Variants in ZKSCAN4 observed in about 807,000 individuals in gnomAD.
The protein encoded by ZKSCAN4 is zinc finger protein with KRAB and SCAN domains 4.
Under a neutral mutation model 30.8 loss-of-function variants are expected in ZKSCAN4, and 23 were observed. The observed-to-expected ratio is 0.75, with a 90% confidence interval of 0.54 to 1.06. The LOEUF (loss-of-function observed/expected upper bound fraction) is 1.06, where lower values mean the gene tolerates loss of function less well. ZKSCAN4 is among the 50% of genes least tolerant of loss of function. ZKSCAN4 has a pLI of 0.00. For missense variants in ZKSCAN4, 556 were observed against 665.4 expected (o/e 0.84, Z 1.81); for synonymous variants, 208 against 252.5 (o/e 0.82, Z 1.67).
upstream of ZKSCAN4, among the ~76,000 whole-genome samples, chr6:28,256,562 C>A (rs1055051988): frequency 6.6e-6 from 1 of 152,206 alleles, no homozygotes; most frequent in Non-Finnish European, 1.5e-5. Context: ...ACATCTGGTA[C>A]TTTCCTTGAT....
At chr6:28,246,218 C>G (rs1405707417) in intron 4 of ZKSCAN4, among the ~76,000 whole-genome samples, 1 of 151,890 alleles carries the variant, frequency 6.6e-6, no homozygotes, top group Non-Finnish European at 1.5e-5. Context: ...ATGGTGAGGA[C>G]CCAGGACTAT....
intron 4 of ZKSCAN4, among the ~76,000 whole-genome samples, chr6:28,246,548 C>T (rs778061787): frequency 9.2e-5 from 14 of 152,094 alleles, no homozygotes; most frequent in South Asian, 4.1e-4. Flanking sequence ...AGGTAATCTA[C>T]GCCTCTGCAC....
rs1760513500 is a variant in ZKSCAN4 at position 28,241,936 on chromosome 6, A to AT, written c.*3179dup. On this transcript the variant is annotated 3_prime_UTR_variant, in exon 5 of 5. Transcript: ENST00000377294. ...AGAGGCAGAGAAAGTCTTTTGCAGA[A>AT]TTATATACGTCTTTGCCAAAATTAA... 6.6e-6 allele frequency among the ~76,000 whole-genome samples: 1 copy of AT among 152,104 alleles called. No homozygotes were observed. Among genetic ancestry groups the AT allele is most frequent in the Non-Finnish European group, 1.5e-5 (1 of 68,006 alleles).
Position 28,247,061 on chromosome 6 carries a change from G to A in ZKSCAN4, c.686C>T (p.Thr229Ile), listed in dbSNP as rs758752128. The change falls in exon 4 of 5, where the codon ACC becomes ATC. Residue 229 changes from threonine (T) to isoleucine (I), a missense_variant. Thr to Ile is a moderately conservative substitution (Grantham distance 89). This residue lies in a region of ZKSCAN4 where 433 missense variants were observed against 511.5 expected (regional missense o/e 0.85). Coordinates refer to ENST00000377294, the MANE Select transcript of ZKSCAN4 (RefSeq NM_019110.5). The stretch of plus-strand genomic sequence containing the variant: ...CAGCTGTGTCCACCCAGGAGTGAGG[G>A]TCAGGGCCACATCTTCCATTTTCAG... ...GLLKMEDVAL[T>I]LTPGWTQLDS... 1.2e-6 allele frequency: 2 copies of A among 1,611,580 alleles called. No individual in the cohort carries two copies. Among genetic ancestry groups the A allele is most frequent in the Non-Finnish European group, 1.7e-6 (2 of 1,178,874 alleles).
Position 28,252,138 on chromosome 6 carries a change from T to A in ZKSCAN4, c.-158A>T. On this transcript the variant is annotated 5_prime_UTR_variant, in exon 1 of 5. Coordinates refer to ENST00000377294, the MANE Select transcript of ZKSCAN4 (RefSeq NM_019110.5). ...ACCCCCTGAGGCGCAGCTGCACAGA[T>A]CTCTCTTATAGTCCGTGCCTTTGCA... 1 of 685,298 alleles carries A rather than the reference T, an allele frequency of 1.5e-6. No individual in the cohort carries two copies. Among genetic ancestry groups the A allele is most frequent in the Non-Finnish European group, 2.3e-6 (1 of 428,632 alleles). The allele number at this position is 685,298 out of a possible 1,614,324, so 42.5% of individuals were successfully genotyped here.
upstream of ZKSCAN4, among the ~76,000 whole-genome samples, chr6:28,252,726 G>A (rs1761062421): frequency 6.6e-6 from 1 of 151,824 alleles, no homozygotes; most frequent in Non-Finnish European, 1.5e-5. Context: ...TCCTCCTTAA[G>A]GCCAGACTAC....
chr6:28,252,771 C>A (rs1472898802), upstream of ZKSCAN4, among the ~76,000 whole-genome samples: 1 of 152,110 alleles, frequency 6.6e-6, no homozygotes, highest in Non-Finnish European at 1.5e-5. Flanking sequence ...TCACCTCCCA[C>A]TAATCCTCAA....
intron 1 of ZKSCAN4, among the ~76,000 whole-genome samples, chr6:28,250,231 C>G (rs1472949469): frequency 7.2e-5 from 11 of 152,170 alleles, no homozygotes; most frequent in Non-Finnish European, 1.3e-4. Flanking sequence ...CCACGCCCGG[C>G]TAATGTTTTG....
chr6:28,252,002 G>A lies in ZKSCAN4; in HGVS notation c.-22C>T. ...CCATTCTGACCCAAGGCAGTACTCG[G>A]GTCTCACTCTAGTTGCGACCTGTAT... is the stretch of plus-strand genomic sequence containing the variant. On this transcript the variant is annotated 5_prime_UTR_variant, in exon 1 of 5. Transcript: ENST00000377294. The A allele has an allele frequency of 6.6e-7, 1 of 1,513,892 alleles. No individual in the cohort carries two copies. The highest frequency in any genetic ancestry group is 8.8e-7 in the Non-Finnish European group (1 of 1,134,138). 93.8% of individuals were successfully genotyped at this position (1,513,892 alleles called of 1,614,324 possible).
chr6:28,254,130 G>A (rs575286742), upstream of ZKSCAN4, among the ~76,000 whole-genome samples: 8 of 152,320 alleles, frequency 5.3e-5, no homozygotes, highest in East Asian at 1.5e-3. Flanking sequence ...TTCGCCCAGG[G>A]AAGAGTTCAA....
rs776110307 is a variant in ZKSCAN4 at position 28,251,985 on chromosome 6, A to G, written c.-5T>C. The G allele has an allele frequency of 6.6e-7, 1 of 1,515,860 alleles. No individual in the cohort carries two copies. Among genetic ancestry groups the G allele is most frequent in the Admixed American group, 2.3e-5 (1 of 43,942 alleles). 93.9% of individuals were successfully genotyped at this position (1,515,860 alleles called of 1,614,324 possible). The stretch of plus-strand genomic sequence containing the variant: ...TTTTCTCGGTTCTCTAGCCATTCTG[A>G]CCCAAGGCAGTACTCGGGTCTCACT... On this transcript the variant is annotated 5_prime_UTR_variant, in exon 1 of 5. Coordinates refer to ENST00000377294, the MANE Select transcript of ZKSCAN4 (RefSeq NM_019110.5). This position sits in a 1 kb window ranked among gnomAD's most constrained non-coding sequence, Gnocchi z 4.5.
chr6:28,247,813 G>A (rs1374419009), intron 3 of ZKSCAN4, among the ~76,000 whole-genome samples: 1 of 152,238 alleles, frequency 6.6e-6, no homozygotes, highest in Non-Finnish European at 1.5e-5. Context: ...GAGGCTGACC[G>A]AAGAAATGTA....
intron 3 of ZKSCAN4, 138 bp from the exon 4 acceptor site, chr6:28,247,230 T>A: frequency 1.1e-6 from 1 of 916,834 alleles, no homozygotes. Flanking sequence ...TTATCTCTAA[T>A]AACATCTTAA....
Position 28,252,090 on chromosome 6 carries a change from T to A in ZKSCAN4, c.-110A>T. On this transcript the variant is annotated 5_prime_UTR_variant, in exon 1 of 5. Transcript: ENST00000377294. ...GTAGAACTGCAAGTGGTCCCCCTCC[T>A]GTCATGCCCAGGGGCCCAGGACACC... 8.0e-7 allele frequency: 1 copy of A among 1,253,910 alleles called. No homozygotes were observed. The highest frequency in any genetic ancestry group is 1.1e-6 in the Non-Finnish European group (1 of 914,694). 77.7% of individuals were successfully genotyped at this position (1,253,910 alleles called of 1,614,324 possible). A position where few individuals can be genotyped will look rare whatever the true frequency, so the allele number is the denominator to read the frequency against.
intron 4 of ZKSCAN4, 89 bp downstream of exon 4, chr6:28,246,880 G>C: frequency 7.2e-7 from 1 of 1,396,278 alleles, no homozygotes; most frequent in Non-Finnish European, 9.6e-7. Flanking sequence ...CAAACATAAT[G>C]GGGGCTTAAC....
At chr6:28,253,323 TATC>T (rs1183948862), upstream of ZKSCAN4, among the ~76,000 whole-genome samples, 1 of 152,174 alleles carries the variant, frequency 6.6e-6, no homozygotes, top group African/African-American at 2.4e-5. The surrounding 1 kb of genome is among the most constrained non-coding windows in gnomAD (Gnocchi z 4.2). Context: ...GGGGAAAAAA[TATC>T]ATGTCAGTAC....
In ZKSCAN4 at chr6:28,245,647, G is replaced by T; in HGVS notation, c.1107C>A (p.Val369=). Residue 369 remains valine, a synonymous_variant, in exon 5 of 5, where the codon GTC becomes GTA. Coordinates refer to ENST00000377294, the MANE Select transcript of ZKSCAN4 (RefSeq NM_019110.5). ...GSSALVIHQR[V]HTGEKPYECE... is the part of the protein sequence containing the mutation. ...ACTCATATGGCTTCTCACCAGTGTG[G>T]ACTCTCTGATGAATGACAAGGGCAG... 6.2e-7 allele frequency: 1 copy of T among 1,614,146 alleles called. No homozygotes were observed. The highest frequency in any genetic ancestry group is 8.5e-7 in the Non-Finnish European group (1 of 1,180,020).
chr6:28,245,731 GA>G lies in ZKSCAN4; in HGVS notation c.1022del (p.Ile341ThrfsTer108), dbSNP rs1283606786. 3 of 1,614,122 alleles carry G rather than the reference GA, an allele frequency of 1.9e-6. No individual in the cohort carries two copies. The highest frequency in any genetic ancestry group is 1.3e-5 in the African/African-American group (1 of 74,932). ...ATTCATAGGGTTTCTCACCAGTGTGGATTCTCCTGTGTTTAGTCAGGCCTGA... is the reference window on the plus strand; with the variant it reads ...ATTCATAGGGTTTCTCACCAGTGTGGTTCTCCTGTGTTTAGTCAGGCCTGA... ...QSSGLTKHRR[I>X]HTGEKPYECE... On this transcript the variant is annotated frameshift_variant, in exon 5 of 5. Coordinates refer to ENST00000377294, the MANE Select transcript of ZKSCAN4 (RefSeq NM_019110.5). LOFTEE classifies it low-confidence loss of function (END_TRUNC).
rs1159984620 is a variant in ZKSCAN4, at chr6:28,247,000, C to T, written c.747G>A (p.Lys249=). 6.2e-7 allele frequency: 1 copy of T among 1,612,712 alleles called. No homozygotes were observed. The highest frequency in any genetic ancestry group is 8.5e-7 in the Non-Finnish European group (1 of 1,179,380). Residue 249 remains lysine (K), a synonymous_variant, in exon 4 of 5, where the codon AAG becomes AAA. Coordinates refer to ENST00000377294, the MANE Select transcript of ZKSCAN4 (RefSeq NM_019110.5). ...AGACCAGGCTGCTATGGTTCTCCTGCTTTTCATCTCTGTAGAGGTTCACCT... is the reference window on the plus strand; with the variant it reads ...AGACCAGGCTGCTATGGTTCTCCTGTTTTTCATCTCTGTAGAGGTTCACCT... ...SSQVNLYRDE[K]QENHSSLVSL... is the part of the protein sequence containing the mutation.
Sources: allele counts gnomAD v4.1 joint callset (sites outside exome capture counted in the v4.1 genomes callset), GRCh38; gene constraint gnomAD v4.1.1; regional missense constraint gnomAD v4.1.1; non-coding constraint Gnocchi (gnomAD v3.1); transcripts MANE v1.5; gene names NCBI Gene and HGNC (gene_info 2026-07-23, HGNC 2026-07-21).